SMYD3: variants seen among roughly 807,000 people sequenced by gnomAD.
The protein encoded by SMYD3 is SET and MYND domain containing 3.
SMYD3 carries 36 observed loss-of-function variants against 57.7 expected under a neutral mutation model. That is an observed-to-expected ratio of 0.62 (90% CI 0.48 to 0.82). The LOEUF (loss-of-function observed/expected upper bound fraction) is 0.82, where lower values mean the gene tolerates loss of function less well. Among genes scored for constraint, SMYD3 ranks in the 40% least tolerant of loss-of-function variants. SMYD3 has a pLI of 0.00. For synonymous variants in SMYD3, 211 were observed against 195.0 expected (o/e 1.08, Z -0.68); for missense variants, 515 against 538.8 (o/e 0.96, Z 0.44).
chr1:246,098,427 G>C (rs537499541), intron 5 of SMYD3, among the ~76,000 whole-genome samples: 1 of 152,272 alleles, frequency 6.6e-6, no homozygotes, highest in East Asian at 1.9e-4. Flanking sequence ...GACTTTAGGA[G>C]AAAATATTTT....
intron 5 of SMYD3, among the ~76,000 whole-genome samples, chr1:246,104,665 G>A (rs898982219): frequency 3.9e-5 from 6 of 152,234 alleles, no homozygotes; most frequent in South Asian, 2.1e-4. Flanking sequence ...AGCCTTTCGC[G>A]AGACAGTTTA....
At chr1:245,829,446 C>T (rs7517143) in intron 10 of SMYD3, among the ~76,000 whole-genome samples, 127,297 of 151,974 alleles carry the variant, frequency 0.84, 54,796 homozygotes, top group Non-Finnish European at 0.94. Context: ...TACCGCCCAT[C>T]CACTAAAATG....
chr1:246,142,730 T>A lies in SMYD3; in HGVS notation c.531+184471A>T, dbSNP rs115629864. Among the ~76,000 whole-genome samples, 278 of 152,308 alleles carry A rather than the reference T, an allele frequency of 1.8e-3. 3 individuals carry two copies. Among genetic ancestry groups the A allele is most frequent in the African/African-American group, 6.4e-3 (265 of 41,558 alleles). On this transcript the variant is annotated intron_variant, in intron 5 of 11. Transcript: ENST00000490107. ...TAGACTGTAGTTGACCAAAGGTAACTAAAAGCACAGAAAATGAAACCTCAG... is the reference window on the plus strand; with the variant it reads ...TAGACTGTAGTTGACCAAAGGTAACAAAAAGCACAGAAAATGAAACCTCAG...
At chr1:245,921,555 A>G (rs977805834) in intron 7 of SMYD3, among the ~76,000 whole-genome samples, 2 of 6,108 alleles carry the variant, frequency 3.3e-4, no homozygotes, top group South Asian at 3.2e-3. Context: ...TGGTGTATAT[A>G]TATATATATA....
intron 5 of SMYD3, among the ~76,000 whole-genome samples, chr1:245,960,537 C>T (rs977779854): frequency 6.6e-6 from 1 of 152,076 alleles, no homozygotes; most frequent in Non-Finnish European, 1.5e-5. Flanking sequence ...GCCTGGGTAA[C>T]ATGGGAAAAC....
intron 5 of SMYD3, among the ~76,000 whole-genome samples, chr1:246,075,038 A>G (rs562324005): frequency 1.3e-5 from 2 of 152,246 alleles, no homozygotes; most frequent in South Asian, 4.2e-4. Flanking sequence ...ATATGAGGGA[A>G]GAGGACAGGG....
intron 5 of SMYD3, among the ~76,000 whole-genome samples, chr1:245,938,317 C>T (rs2057065583): frequency 6.6e-6 from 1 of 152,170 alleles, no homozygotes; most frequent in African/African-American, 2.4e-5. Context: ...CAATGACAGG[C>T]TAGATGGGGA....
At chr1:246,204,449 G>T (rs2062966750) in intron 5 of SMYD3, among the ~76,000 whole-genome samples, 1 of 152,198 alleles carries the variant, frequency 6.6e-6, no homozygotes, top group Non-Finnish European at 1.5e-5. Flanking sequence ...ACTGTGTCCA[G>T]CATAGAATGT....
intron 5 of SMYD3, among the ~76,000 whole-genome samples, chr1:246,017,020 A>G (rs2059388728): frequency 6.6e-6 from 1 of 152,138 alleles, no homozygotes; most frequent in Non-Finnish European, 1.5e-5. Flanking sequence ...CCATAATACA[A>G]GTGTCTTTCC....
intron 5 of SMYD3, among the ~76,000 whole-genome samples, chr1:246,297,140 T>C (rs1344788722): frequency 6.6e-6 from 1 of 152,094 alleles, no homozygotes; most frequent in Non-Finnish European, 1.5e-5. Flanking sequence ...AATTAAGTAA[T>C]AGTTGAATCT....
chr1:246,077,717 G>A (rs12060886), intron 5 of SMYD3, among the ~76,000 whole-genome samples: 10,845 of 151,822 alleles, frequency 0.071, 442 homozygotes, highest in African/African-American at 0.092. Flanking sequence ...CCATTCTGGC[G>A]TAGATGCCAC....
At chr1:245,766,064 G>A (rs559233565) in intron 10 of SMYD3, among the ~76,000 whole-genome samples, 1 of 152,176 alleles carries the variant, frequency 6.6e-6, no homozygotes, top group South Asian at 2.1e-4. Flanking sequence ...CAGTACCTGG[G>A]AGGAAAGTAT....
intron 8 of SMYD3, among the ~76,000 whole-genome samples, chr1:245,880,557 C>G (rs951215437): frequency 5.9e-5 from 9 of 152,204 alleles, no homozygotes; most frequent in Non-Finnish European, 1.2e-4. Flanking sequence ...AACACTGTAT[C>G]TTATTTAATC....
chr1:246,432,031 A>T (rs1007109184), intron 1 of SMYD3, among the ~76,000 whole-genome samples: 9 of 152,248 alleles, frequency 5.9e-5, no homozygotes, highest in Non-Finnish European at 1.0e-4. Context: ...TGTATTTTTT[A>T]AAAATCTCAC....
rs1572364396 is a variant in SMYD3, at chr1:246,309,888, A to G, written c.531+17313T>C. Among the ~76,000 whole-genome samples, 4 of 152,322 alleles carry G rather than the reference A, an allele frequency of 2.6e-5. No homozygotes were observed. In the South Asian group the frequency reaches 8.3e-4, roughly 32 times the overall value. On this transcript the variant is annotated intron_variant, in intron 5 of 11. Coordinates refer to ENST00000490107, the MANE Select transcript of SMYD3 (RefSeq NM_001167740.2). ...GCAAAAGAAAAAAGAAAAAGATTTA[A>G]CTGACTGCAAATGAGCTTTACTTTA...
chr1:245,997,437 A>G (rs768732941), intron 5 of SMYD3, among the ~76,000 whole-genome samples: 4 of 152,226 alleles, frequency 2.6e-5, no homozygotes, highest in Admixed American at 1.3e-4. Context: ...TTCCTCCTCA[A>G]CATGCTTCTG....
chr1:246,268,963 C>T (rs1256545302), intron 5 of SMYD3, among the ~76,000 whole-genome samples: 1 of 68,802 alleles, frequency 1.5e-5, no homozygotes, highest in Non-Finnish European at 3.3e-5. Flanking sequence ...CCCAATTAAC[C>T]CTAAAGTAGC....
rs1023048905 is a variant in SMYD3, at chr1:246,049,294, G to T, written c.532-119357C>A. Among the ~76,000 whole-genome samples the T allele has an allele frequency of 1.9e-4, 29 of 151,062 alleles. No homozygotes were observed. In the East Asian group the frequency reaches 2.0e-3, roughly 10 times the overall value. On this transcript the variant is annotated intron_variant, in intron 5 of 11. Transcript: ENST00000490107. ...TAAATATATACTATGTGTTTTTTTT[G>T]TTTGTTTGTTTGTTTGTTTTGAGAT...
chr1:246,011,243 A>C (rs2148192777), intron 5 of SMYD3, among the ~76,000 whole-genome samples: 1 of 152,120 alleles, frequency 6.6e-6, no homozygotes, highest in Non-Finnish European at 1.5e-5. Flanking sequence ...GTTGAAAAAC[A>C]CTCCTCAAAC....
Sources: allele counts gnomAD v4.1 joint callset (sites outside exome capture counted in the v4.1 genomes callset), GRCh38; gene constraint gnomAD v4.1.1; transcripts MANE v1.5; gene names NCBI Gene and HGNC (gene_info 2026-07-23, HGNC 2026-07-21).